The following SPACA9 variants were observed in gnomAD, a reference collection of about 807,000 sequenced individuals.
The protein encoded by SPACA9 is sperm acrosome associated 9.
In SPACA9, 14 loss-of-function variants were observed where a neutral mutation model predicts 12.5. The observed-to-expected ratio is 1.12, with a 90% confidence interval of 0.74 to 1.75. SPACA9 has a LOEUF of 1.75. Ranked by LOEUF, SPACA9 falls within the 40% of genes most tolerant of loss-of-function variation. SPACA9 has a pLI of 0.00. For synonymous variants in SPACA9, 111 were observed against 114.1 expected, an observed-to-expected ratio of 0.97 and a Z score of 0.17; for missense variants, 292 against 291.9, an observed-to-expected ratio of 1.00 and a Z score of 0.00.
At position 132,889,008 on chromosome 9, in the gene SPACA9, C is replaced by A; in HGVS notation, c.*397C>A. The A allele has an allele frequency of 1.2e-6, 1 of 826,838 alleles. No homozygotes were observed. Among genetic ancestry groups the A allele is most frequent in the Admixed American group, 5.2e-5 (1 of 19,320 alleles). 51.2% of individuals were successfully genotyped at this position (826,838 alleles called of 1,614,324 possible). A position where few individuals can be genotyped will look rare whatever the true frequency, so the allele number is the denominator to read the frequency against. On this transcript the variant is annotated 3_prime_UTR_variant, in exon 4 of 4. Transcript: ENST00000356311. ...GGTCTCAATCTCCTGACCTCATGAT[C>A]TACCCTCGTGATCGGCCTCCCAAAG...
intron 1 of SPACA9, among the ~76,000 whole-genome samples, chr9:132,882,679 G>T (rs1008722759): frequency 6.6e-6 from 1 of 151,972 alleles, no homozygotes; most frequent in African/African-American, 2.4e-5. Context: ...TGCCTTCCCT[G>T]CCCCAGTCCA....
upstream of SPACA9, chr9:132,878,453 A>G (rs1443735992): frequency 4.9e-6 from 6 of 1,222,112 alleles, no homozygotes; most frequent in Middle Eastern, 3.2e-4. The surrounding 1 kb of genome is among the most constrained non-coding windows in gnomAD (Gnocchi z 4.7). Flanking sequence ...TCTTTCCCCA[A>G]CCCCGGCCTC....
At chr9:132,883,255 G>A (rs1031045789) in intron 1 of SPACA9, among the ~76,000 whole-genome samples, 1 of 152,162 alleles carries the variant, frequency 6.6e-6, no homozygotes, top group Non-Finnish European at 1.5e-5. Context: ...CTGAGAATGC[G>A]CAAACCTGAG....
intron 1 of SPACA9, among the ~76,000 whole-genome samples, chr9:132,882,007 T>C (rs963241769): frequency 3.9e-5 from 6 of 152,180 alleles, no homozygotes; most frequent in African/African-American, 7.2e-5. Context: ...GCCAAGGATA[T>C]GGCAGGTGTC....
intron 1 of SPACA9, among the ~76,000 whole-genome samples, chr9:132,882,170 G>C (rs1844445372): frequency 6.6e-6 from 1 of 152,190 alleles, no homozygotes; most frequent in Admixed American, 6.5e-5. Flanking sequence ...CAGTCACAGT[G>C]CTGTGGCTCT....
intron 2 of SPACA9, among the ~76,000 whole-genome samples, chr9:132,885,042 G>A (rs1844526968): frequency 6.6e-6 from 1 of 152,008 alleles, no homozygotes; most frequent in Non-Finnish European, 1.5e-5. Context: ...GAATCTGGGA[G>A]GTGGAGGTTG....
In SPACA9 at chr9:132,882,309, T is replaced by C. The variant is rs1844450629; in HGVS notation, c.-37-1602T>C. On this transcript the variant is annotated intron_variant, in intron 1 of 3. Transcript: ENST00000356311. ...GCTCCATGGCTGGGCTCCATCTTGC[T>C]AAAGGGCCTCTTCCCCAGCCTCCTC... Among the ~76,000 whole-genome samples, 3 of 152,288 alleles carry C rather than the reference T, an allele frequency of 2.0e-5. No homozygotes were observed. The South Asian group carries it at 6.2e-4, about 32-fold the overall frequency.
At chr9:132,883,863 C>T (rs1023931625) in intron 1 of SPACA9, 48 bp from the exon 2 acceptor site, 21 of 1,453,968 alleles carry the variant, frequency 1.4e-5, no homozygotes, top group South Asian at 8.4e-5. Context: ...GAGCTGGATC[C>T]GAGCATTGGG....
chr9:132,890,130 CAGAG>C (rs1318844597), downstream of SPACA9: 8 of 795,174 alleles, frequency 1.0e-5, no homozygotes, highest in East Asian at 3.2e-5. Flanking sequence ...CAGCAGACAG[CAGAG>C]AGAGAGGCCA....
chr9:132,881,180 C>T (rs890652135), intron 1 of SPACA9, among the ~76,000 whole-genome samples: 2 of 144,044 alleles, frequency 1.4e-5, no homozygotes, highest in Non-Finnish European at 3.0e-5. Flanking sequence ...AATCCCAGCA[C>T]ATTGGGAGGC....
chr9:132,883,899 G>C lies in SPACA9; in HGVS notation c.-37-12G>C, dbSNP rs768784763. On this transcript the variant is annotated splice_polypyrimidine_tract_variant and intron_variant, in intron 1 of 3. Coordinates refer to ENST00000356311, the MANE Select transcript of SPACA9 (RefSeq NM_001316897.2). ...TCCCAGGACCTCATCACTATCCTCTGTCTCCCCATAGATTCCTCTTCTCCT... is the reference window on the plus strand; with the variant it reads ...TCCCAGGACCTCATCACTATCCTCTCTCTCCCCATAGATTCCTCTTCTCCT... The C allele has an allele frequency of 6.2e-7, 1 of 1,602,928 alleles. No homozygotes were observed.
Position 132,883,938 on chromosome 9 carries a change from G to A in SPACA9, c.-10G>A. ...TCCTCTTCTCCTGTAAATGACCACA[G>A]AGGAAGACAATGAATGAGGTGAAAG... On this transcript the variant is annotated 5_prime_UTR_variant, in exon 2 of 4. Transcript: ENST00000356311. The A allele has an allele frequency of 1.2e-6, 2 of 1,614,118 alleles. No individual in the cohort carries two copies. The highest frequency in any genetic ancestry group is 1.7e-6 in the Non-Finnish European group (2 of 1,179,950).
intron 1 of SPACA9, among the ~76,000 whole-genome samples, chr9:132,880,166 G>A (rs1844362920): frequency 6.6e-6 from 1 of 152,150 alleles, no homozygotes; most frequent in South Asian, 2.1e-4. Flanking sequence ...TTTATTTTAA[G>A]CCCTAGGCGC....
In SPACA9 at chr9:132,889,041, A is replaced by ACTG; in HGVS notation, c.*430_*431insCTG. The ACTG allele has an allele frequency of 1.0e-6, 1 of 995,332 alleles. No homozygotes were observed. The highest frequency in any genetic ancestry group is 1.2e-6 in the Non-Finnish European group (1 of 833,168). 61.7% of individuals were successfully genotyped at this position (995,332 alleles called of 1,614,324 possible). On this transcript the variant is annotated 3_prime_UTR_variant, in exon 4 of 4. Transcript: ENST00000356311. ...GTGATCGGCCTCCCAAAGTGCTGGGATTACAGGCGTGAGCCACAGCGCCCG... is the reference window on the plus strand; with the variant it reads ...GTGATCGGCCTCCCAAAGTGCTGGGACTGTTACAGGCGTGAGCCACAGCGCCCG...
At chr9:132,886,718 C>T (rs529205277) in intron 2 of SPACA9, among the ~76,000 whole-genome samples, 1 of 152,136 alleles carries the variant, frequency 6.6e-6, no homozygotes, top group Non-Finnish European at 1.5e-5. Context: ...TGAAGACAGG[C>T]GAGAGCAGGC....
chr9:132,883,545 TATGTGTGTGCACATGC>T (rs1478376746), intron 1 of SPACA9, among the ~76,000 whole-genome samples: 2 of 152,096 alleles, frequency 1.3e-5, no homozygotes, highest in African/African-American at 2.4e-5. Flanking sequence ...CATGTACCTG[TATGTGTGTGCACATGC>T]ATGTGTGTGC....
chr9:132,885,784 A>G (rs1844548653), intron 2 of SPACA9, among the ~76,000 whole-genome samples: 1 of 152,210 alleles, frequency 6.6e-6, no homozygotes, highest in African/African-American at 2.4e-5. Flanking sequence ...TCCATGCATA[A>G]GGGAGTGGCC....
upstream of SPACA9, chr9:132,878,400 G>T: frequency 3.2e-6 from 4 of 1,241,010 alleles, no homozygotes; most frequent in Non-Finnish European, 4.1e-6. This position sits in a 1 kb window ranked among gnomAD's most constrained non-coding sequence, Gnocchi z 4.7. Context: ...GGTCGCCCCC[G>T]CCCCGACCTC....
chr9:132,879,355 G>C (rs545566542), intron 1 of SPACA9, among the ~76,000 whole-genome samples: 5 of 152,238 alleles, frequency 3.3e-5, no homozygotes, highest in Non-Finnish European at 1.5e-5. Flanking sequence ...GTACCTTATG[G>C]AGAGGGAAAA....
Sources: allele counts gnomAD v4.1 joint callset (sites outside exome capture counted in the v4.1 genomes callset), GRCh38; gene constraint gnomAD v4.1.1; non-coding constraint Gnocchi (gnomAD v3.1); transcripts MANE v1.5; gene names NCBI Gene and HGNC (gene_info 2026-07-23, HGNC 2026-07-21).